Variants in SHISA9 observed in about 807,000 individuals in gnomAD.
The protein encoded by SHISA9 is protein shisa-9.
SHISA9 carries 13 observed loss-of-function variants against 38.0 expected under a neutral mutation model. The observed-to-expected ratio is 0.34, with a 90% CI of 0.22 to 0.54. The LOEUF is 0.54. Ranked by LOEUF, SHISA9 falls within the 20% of genes least tolerant of loss-of-function variation. SHISA9 has a pLI of 0.91. For synonymous variants in SHISA9, 275 were observed against 242.0 expected (o/e 1.14, Z -1.27); for missense variants, 538 against 575.8 (o/e 0.93, Z 0.67).
the SHISA9 span, among the ~76,000 whole-genome samples, chr16:13,420,438 T>C: frequency 3.3e-5 from 5 of 151,768 alleles, no homozygotes; most frequent in African/African-American, 1.2e-4. Flanking sequence ...TATCACAGGA[T>C]CTAACCCAGT....
intron 2 of SHISA9, among the ~76,000 whole-genome samples, chr16:13,001,154 C>T (rs2072519588): frequency 6.6e-6 from 1 of 152,216 alleles, no homozygotes; most frequent in Non-Finnish European, 1.5e-5. Context: ...TCTTGAACTC[C>T]TGACATCAGG....
At chr16:12,929,158 A>T (rs529494144) in intron 2 of SHISA9, among the ~76,000 whole-genome samples, 37 of 152,308 alleles carry the variant, frequency 2.4e-4, no homozygotes, top group African/African-American at 8.4e-4. Flanking sequence ...GGCGAGGTTG[A>T]GGAGAAAAAG....
intron 2 of SHISA9, among the ~76,000 whole-genome samples, chr16:13,070,128 GT>G (rs2073494452): frequency 9.8e-5 from 1 of 10,226 alleles, no homozygotes; most frequent in Non-Finnish European, 7.0e-4. Flanking sequence ...AAGTACGTGT[GT>G]GTGTGTGTGT....
the SHISA9 span, among the ~76,000 whole-genome samples, chr16:13,342,954 CTG>C: frequency 6.6e-6 from 1 of 152,176 alleles, no homozygotes; most frequent in Non-Finnish European, 1.5e-5. Context: ...AATTGCTTTT[CTG>C]CTCTCAAAGA....
rs560559446 is a variant in SHISA9, at chr16:12,931,012, T to G, written c.691+14197T>G. 8.2e-4 allele frequency among the ~76,000 whole-genome samples: 125 copies of G among 152,292 alleles called. 2 individuals are homozygous for G. Among genetic ancestry groups the G allele is most frequent in the East Asian group, 3.3e-3 (17 of 5,174 alleles). On this transcript the variant is annotated intron_variant, in intron 2 of 4. Coordinates refer to ENST00000558583, the MANE Select transcript of SHISA9 (RefSeq NM_001145204.3). The stretch of plus-strand genomic sequence containing the variant: ...AATACCCCAAATGTGTTACCAGATC[T>G]TATAATCCCCACCCCTGGAGCAAAA...
chr16:13,114,799 T>G (rs1415907794), intron 2 of SHISA9, among the ~76,000 whole-genome samples: 1 of 152,168 alleles, frequency 6.6e-6, no homozygotes, highest in Non-Finnish European at 1.5e-5. Context: ...TTTGTGAATT[T>G]TATTATATTT....
At chr16:13,182,565 C>A (rs572273872) in intron 2 of SHISA9, among the ~76,000 whole-genome samples, 5 of 152,304 alleles carry the variant, frequency 3.3e-5, no homozygotes, top group African/African-American at 9.6e-5. Context: ...GGTTAAAGTT[C>A]ATCTCATTTG....
At chr16:13,167,567 G>T (rs1178929186) in intron 2 of SHISA9, among the ~76,000 whole-genome samples, 1 of 152,124 alleles carries the variant, frequency 6.6e-6, no homozygotes, top group East Asian at 1.9e-4. Context: ...AGAGGTGATT[G>T]GATGATGGGG....
intron 2 of SHISA9, among the ~76,000 whole-genome samples, chr16:13,098,701 C>T (rs1290277816): frequency 6.6e-6 from 1 of 152,196 alleles, no homozygotes; most frequent in Non-Finnish European, 1.5e-5. Flanking sequence ...CAACTGCAGG[C>T]TCCCATCCAC....
chr16:13,019,131 C>A (rs2072791867), intron 2 of SHISA9, among the ~76,000 whole-genome samples: 1 of 152,138 alleles, frequency 6.6e-6, no homozygotes, highest in African/African-American at 2.4e-5. Context: ...TCCCGAGTAG[C>A]TGGAATTATG....
intron 2 of SHISA9, among the ~76,000 whole-genome samples, chr16:13,128,382 C>T (rs2141984868): frequency 6.6e-6 from 1 of 152,206 alleles, no homozygotes; most frequent in Non-Finnish European, 1.5e-5. Context: ...TGAAGAAACA[C>T]AGTGGTGGAA....
At chr16:12,961,504 A>G (rs970688347) in intron 2 of SHISA9, among the ~76,000 whole-genome samples, 1 of 152,144 alleles carries the variant, frequency 6.6e-6, no homozygotes, top group African/African-American at 2.4e-5. Context: ...ACCTCCTCAC[A>G]ATGGCACGCT....
At chr16:13,381,404 C>G in the SHISA9 span, among the ~76,000 whole-genome samples, 9 of 152,108 alleles carry the variant, frequency 5.9e-5, no homozygotes, top group African/African-American at 1.9e-4. Context: ...GGAAACTAAA[C>G]AGATTTCAAA....
At chr16:13,130,014 A>C (rs775087288) in intron 2 of SHISA9, among the ~76,000 whole-genome samples, 18 of 152,148 alleles carry the variant, frequency 1.2e-4, no homozygotes, top group Admixed American at 3.9e-4. Flanking sequence ...TTGTAATGCT[A>C]CCACTTAAGT....
At chr16:13,043,106 C>T (rs974483004) in intron 2 of SHISA9, among the ~76,000 whole-genome samples, 1 of 152,270 alleles carries the variant, frequency 6.6e-6, no homozygotes, top group Non-Finnish European at 1.5e-5. Context: ...CATGCAGTCA[C>T]TCAAGGACCC....
intron 2 of SHISA9, among the ~76,000 whole-genome samples, chr16:12,975,836 A>T (rs1457169542): frequency 6.6e-6 from 1 of 151,934 alleles, no homozygotes; most frequent in African/African-American, 2.4e-5. Flanking sequence ...TAGTGGCCTG[A>T]GTGATAAAGA....
the SHISA9 span, among the ~76,000 whole-genome samples, chr16:13,467,650 A>G: frequency 2.0e-5 from 3 of 152,124 alleles, no homozygotes; most frequent in African/African-American, 7.2e-5. Context: ...GACACTCACA[A>G]TTTGCCCATC....
the SHISA9 span, among the ~76,000 whole-genome samples, chr16:13,261,015 G>A: frequency 1.1e-4 from 17 of 152,098 alleles, no homozygotes; most frequent in African/African-American, 1.7e-4. Context: ...ATCAGATCTC[G>A]TGAAACTTAT....
downstream of SHISA9, among the ~76,000 whole-genome samples, chr16:13,244,996 TCTTTGACCTCTGGGG>T (rs2051461630): frequency 6.6e-6 from 1 of 152,142 alleles, no homozygotes; most frequent in Non-Finnish European, 1.5e-5. Context: ...GCTCACTGCA[TCTTTGACCTCTGGGG>T]CTCTAGCAGT....
Sources: gnomAD v4.1 joint callset for allele counts (sites outside exome capture counted in the v4.1 genomes callset) on GRCh38, gnomAD v4.1.1 for gene constraint, MANE v1.5 for transcripts, NCBI Gene and HGNC (gene_info 2026-07-23, HGNC 2026-07-21) for gene names.